KCNQ1OT1: variants seen among roughly 807,000 people sequenced by gnomAD.
KCNQ1OT1 encodes KCNQ1 antisense RNA 2 (non-protein coding).
exon 1 of KCNQ1OT1, chr11:2,616,602 T>C (rs2133797957): frequency 2.5e-6 from 1 of 398,210 alleles, no homozygotes; most frequent in East Asian, 3.6e-5. Flanking sequence ...TTTCACTTTT[T>C]GAAAGTATTT....
rs1408287717 is a variant in KCNQ1OT1, at chr11:2,664,373, A to G, written n.35622T>C. ...TTCCTGCATCCTCAGAAGTCAGGGT[A>G]CGGTCCCTCCAGAGAGGCCTGAAGG... On this transcript the variant is annotated non_coding_transcript_exon_variant, in exon 1 of 1. Transcript: ENST00000597346. The surrounding 1 kb of genome is among the most constrained non-coding windows in gnomAD (Gnocchi z 5.1). The G allele has an allele frequency of 1.3e-5, 5 of 398,746 alleles. No homozygotes were observed. In the East Asian group the frequency reaches 1.8e-4, roughly 14 times the overall value. 24.7% of individuals were successfully genotyped at this position (398,746 alleles called of 1,614,324 possible). A position where few individuals can be genotyped will look rare whatever the true frequency, so the allele number is the denominator to read the frequency against.
chr11:2,668,976 T>C lies in KCNQ1OT1; in HGVS notation n.31019A>G. On this transcript the variant is annotated non_coding_transcript_exon_variant, in exon 1 of 1. Coordinates refer to ENST00000597346, the Ensembl canonical transcript of KCNQ1OT1. The surrounding 1 kb of genome is among the most constrained non-coding windows in gnomAD (Gnocchi z 4.3). ...ATCTGGGATTGATTTTTGTGTCCAA[T>C]GTGAGGCCGAGGTCAAGGTCCACTC... 2 of 398,646 alleles carry C rather than the reference T, an allele frequency of 5.0e-6. No individual in the cohort carries two copies. The highest frequency in any genetic ancestry group is 6.3e-4 in the Middle Eastern group (1 of 1,588). The allele number at this position is 398,646 out of a possible 1,614,324, so 24.7% of individuals were successfully genotyped here.
Position 2,670,774 on chromosome 11 carries a change from C to G in KCNQ1OT1, n.29221G>C. On this transcript the variant is annotated non_coding_transcript_exon_variant, in exon 1 of 1. Coordinates refer to ENST00000597346, the Ensembl canonical transcript of KCNQ1OT1. This position sits in a 1 kb window ranked among gnomAD's most constrained non-coding sequence, Gnocchi z 4.9. Reference sequence around the variant, plus strand: ...CTGGCCAGTGGCTCTTGTGGCTGCCCTCTGCAATAAGAATTCTTCAAGTTC... The same window carrying G: ...CTGGCCAGTGGCTCTTGTGGCTGCCGTCTGCAATAAGAATTCTTCAAGTTC... The G allele has an allele frequency of 2.5e-6, 1 of 398,536 alleles. No homozygotes were observed. The highest frequency in any genetic ancestry group is 4.4e-6 in the Non-Finnish European group (1 of 226,066). 24.7% of individuals were successfully genotyped at this position (398,536 alleles called of 1,614,324 possible).
rs778041701 is a variant in KCNQ1OT1 at position 2,662,031 on chromosome 11, C to A, written n.37964G>T. The A allele has an allele frequency of 4.3e-6, 7 of 1,614,052 alleles. No individual in the cohort carries two copies. The highest frequency in any genetic ancestry group is 5.9e-6 in the Non-Finnish European group (7 of 1,180,042). On this transcript the variant is annotated non_coding_transcript_exon_variant, in exon 1 of 1. Transcript: ENST00000597346. ...TGAGAACCAACAGCTTCGCCGAGGACCTGGACCTGGAAGGGGAGACTCTGC... is the reference window on the plus strand; with the variant it reads ...TGAGAACCAACAGCTTCGCCGAGGAACTGGACCTGGAAGGGGAGACTCTGC...
chr11:2,649,864 T>G, exon 1 of KCNQ1OT1: 1 of 398,582 alleles, frequency 2.5e-6, no homozygotes, highest in Non-Finnish European at 4.4e-6. Context: ...TTTTCAGGTA[T>G]TATCTTCTTA....
chr11:2,695,666 G>C lies in KCNQ1OT1; in HGVS notation n.4329C>G, dbSNP rs1850663038. 1 of 398,474 alleles carries C rather than the reference G, an allele frequency of 2.5e-6. No homozygotes were observed. The highest frequency in any genetic ancestry group is 2.1e-5 in the African/African-American group (1 of 48,620). The allele number at this position is 398,474 out of a possible 1,614,324, so 24.7% of individuals were successfully genotyped here. A position where few individuals can be genotyped will look rare whatever the true frequency, so the allele number is the denominator to read the frequency against. ...ACAGGTATAAAATATTTTATTTGAGGAAGAAGTGTTGGCCAGCTCTTCAGA... is the reference window on the plus strand; with the variant it reads ...ACAGGTATAAAATATTTTATTTGAGCAAGAAGTGTTGGCCAGCTCTTCAGA... On this transcript the variant is annotated non_coding_transcript_exon_variant, in exon 1 of 1. Coordinates refer to ENST00000597346, the Ensembl canonical transcript of KCNQ1OT1. This position sits in a 1 kb window ranked among gnomAD's most constrained non-coding sequence, Gnocchi z 5.2.
At chr11:2,667,286 G>A in exon 1 of KCNQ1OT1, 1 of 398,638 alleles carries the variant, frequency 2.5e-6, no homozygotes, top group Non-Finnish European at 4.4e-6. Flanking sequence ...GCTGCTATGG[G>A]GAGAGGGCCG....
exon 1 of KCNQ1OT1, chr11:2,634,808 C>G (rs368239772): frequency 5.3e-5 from 8 of 152,166 alleles, no homozygotes; most frequent in African/African-American, 7.2e-5. Context: ...AGTGTAAAAG[C>G]GTTCCTATTT....
rs1328112333 is a variant in KCNQ1OT1, at chr11:2,653,699, C to G, written n.46296G>C. ...CAACAGCTCAGGAAGCCCAGCAGAACGAGGTCATCTCTTCCAGGATTCCTG... is the reference window on the plus strand; with the variant it reads ...CAACAGCTCAGGAAGCCCAGCAGAAGGAGGTCATCTCTTCCAGGATTCCTG... On this transcript the variant is annotated non_coding_transcript_exon_variant, in exon 1 of 1. Transcript: ENST00000597346. The surrounding 1 kb of genome is among the most constrained non-coding windows in gnomAD (Gnocchi z 5.3). 1 of 398,568 alleles carries G rather than the reference C, an allele frequency of 2.5e-6. No homozygotes were observed. 24.7% of individuals were successfully genotyped at this position (398,568 alleles called of 1,614,324 possible).
Position 2,681,475 on chromosome 11 carries a change from T to C in KCNQ1OT1, n.18520A>G, listed in dbSNP as rs1590028576. 1.3e-5 allele frequency: 5 copies of C among 398,536 alleles called. 1 individual carries two copies. In the East Asian group the frequency reaches 1.8e-4, roughly 14 times the overall value. 24.7% of individuals were successfully genotyped at this position (398,536 alleles called of 1,614,324 possible). On this transcript the variant is annotated non_coding_transcript_exon_variant, in exon 1 of 1. Transcript: ENST00000597346. ...ATAACCTTAATGGCCTCAGGCTCCC[T>C]AGATGAGAAATGGGACTTAGTAAAG...
In KCNQ1OT1 at chr11:2,687,497, C is replaced by G. The variant is rs1351499464; in HGVS notation, n.12498G>C. On this transcript the variant is annotated non_coding_transcript_exon_variant, in exon 1 of 1. Coordinates refer to ENST00000597346, the Ensembl canonical transcript of KCNQ1OT1. The surrounding 1 kb of genome is among the most constrained non-coding windows in gnomAD (Gnocchi z 5.0). Reference sequence around the variant, plus strand: ...TTTCAATAGGGCCATCCCAGGCACCCTAGGACTTGAGACCAGCCTCCTCTG... The same window carrying G: ...TTTCAATAGGGCCATCCCAGGCACCGTAGGACTTGAGACCAGCCTCCTCTG... 2.5e-6 allele frequency: 1 copy of G among 398,754 alleles called. No individual in the cohort carries two copies. The highest frequency in any genetic ancestry group is 4.4e-5 in the Admixed American group (1 of 22,746). The allele number at this position is 398,754 out of a possible 1,614,324, so 24.7% of individuals were successfully genotyped here. A position where few individuals can be genotyped will look rare whatever the true frequency, so the allele number is the denominator to read the frequency against.
exon 1 of KCNQ1OT1, chr11:2,648,816 C>G (rs1424510398): frequency 2.5e-6 from 1 of 398,294 alleles, no homozygotes; most frequent in African/African-American, 2.1e-5. Flanking sequence ...GTTGCCATCC[C>G]TAACTATTAT....
chr11:2,685,920 GT>G, exon 1 of KCNQ1OT1: 2 of 398,756 alleles, frequency 5.0e-6, no homozygotes, highest in Non-Finnish European at 8.8e-6. Context: ...GCCTGACCAA[GT>G]TCTGGGCCCA....
At chr11:2,696,936 T>C (rs1283275500) in exon 1 of KCNQ1OT1, 2 of 398,494 alleles carry the variant, frequency 5.0e-6, no homozygotes, top group East Asian at 3.6e-5. Flanking sequence ...CTCTCTGAAA[T>C]CTGAAATCTC....
At chr11:2,618,177 A>G (rs1849100782) in exon 1 of KCNQ1OT1, 1 of 398,344 alleles carries the variant, frequency 2.5e-6, no homozygotes, top group Non-Finnish European at 4.4e-6. Context: ...TCTTTTATCC[A>G]TTTTGAGTTT....
chr11:2,698,665 G>GC lies in KCNQ1OT1; in HGVS notation n.1329dup. On this transcript the variant is annotated non_coding_transcript_exon_variant, in exon 1 of 1. Coordinates refer to ENST00000597346, the Ensembl canonical transcript of KCNQ1OT1. The surrounding 1 kb of genome is among the most constrained non-coding windows in gnomAD (Gnocchi z 5.1). The stretch of plus-strand genomic sequence containing the variant: ...CCCAATCCCAATCTCTTAACTCAGA[G>GC]CCCCCCATTCAGAACCTCTACCCAA... The GC allele has an allele frequency of 5.0e-6, 2 of 398,202 alleles. No individual in the cohort carries two copies. Among genetic ancestry groups the GC allele is most frequent in the Admixed American group, 8.8e-5 (2 of 22,668 alleles). The allele number at this position is 398,202 out of a possible 1,614,324, so 24.7% of individuals were successfully genotyped here. A position where few individuals can be genotyped will look rare whatever the true frequency, so the allele number is the denominator to read the frequency against.
Position 2,676,470 on chromosome 11 carries a change from G to A in KCNQ1OT1, n.23525C>T, listed in dbSNP as rs753355144. 13 of 398,556 alleles carry A rather than the reference G, an allele frequency of 3.3e-5. No homozygotes were observed. The highest frequency in any genetic ancestry group is 4.4e-5 in the Admixed American group (1 of 22,722). The allele number at this position is 398,556 out of a possible 1,614,324, so 24.7% of individuals were successfully genotyped here. A position where few individuals can be genotyped will look rare whatever the true frequency, so the allele number is the denominator to read the frequency against. On this transcript the variant is annotated non_coding_transcript_exon_variant, in exon 1 of 1. Coordinates refer to ENST00000597346, the Ensembl canonical transcript of KCNQ1OT1. This position sits in a 1 kb window ranked among gnomAD's most constrained non-coding sequence, Gnocchi z 4.2. Reference sequence around the variant, plus strand: ...CACTGTTCTGCTCAGATTGTTAGCTGTAGTCTTTCTGGCATCAGTTCCATT... The same window carrying A: ...CACTGTTCTGCTCAGATTGTTAGCTATAGTCTTTCTGGCATCAGTTCCATT...
At position 2,620,219 on chromosome 11, in the gene KCNQ1OT1, T is replaced by TTA. The variant is rs1849145388; in HGVS notation, n.79775_79776insTA. 1.1e-5 allele frequency: 3 copies of TTA among 274,276 alleles called. No individual in the cohort carries two copies. The highest frequency in any genetic ancestry group is 2.3e-5 in the African/African-American group (1 of 43,128). 17.0% of individuals were successfully genotyped at this position (274,276 alleles called of 1,614,324 possible). ...TTCATGTATATATATATATTTTTTT[T>TTA]TTTTATTTTTTTTTTAGACGGAGTT... On this transcript the variant is annotated non_coding_transcript_exon_variant, in exon 1 of 1. Transcript: ENST00000597346. This position sits in a 1 kb window ranked among gnomAD's most constrained non-coding sequence, Gnocchi z 4.5.
Position 2,670,285 on chromosome 11 carries a change from A to G in KCNQ1OT1, n.29710T>C. 2.5e-6 allele frequency: 1 copy of G among 398,560 alleles called. No individual in the cohort carries two copies. Among genetic ancestry groups the G allele is most frequent in the Non-Finnish European group, 4.4e-6 (1 of 226,062 alleles). The allele number at this position is 398,560 out of a possible 1,614,324, so 24.7% of individuals were successfully genotyped here. The stretch of plus-strand genomic sequence containing the variant: ...GACCATGGTAGCTTGTCTCTAGGCA[A>G]CCCATAGGTGCCCAATGGAGAGATA... On this transcript the variant is annotated non_coding_transcript_exon_variant, in exon 1 of 1. Transcript: ENST00000597346. The surrounding 1 kb of genome is among the most constrained non-coding windows in gnomAD (Gnocchi z 4.9).
Sources: gnomAD v4.1 joint callset for allele counts on GRCh38, gnomAD v4.1.1 for gene constraint, Gnocchi (gnomAD v3.1) non-coding constraint, MANE v1.5 for transcripts, NCBI Gene and HGNC (gene_info 2026-07-23, HGNC 2026-07-21) for gene names.